Variants in FBXL7 observed in about 807,000 individuals in gnomAD.
FBXL7 encodes F-box and leucine rich repeat protein 7, also known as F-box/LRR-repeat protein 7.
FBXL7 carries 12 observed loss-of-function variants against 38.3 expected under a neutral mutation model. That is an observed-to-expected ratio of 0.31 (90% CI 0.20 to 0.51). The LOEUF (loss-of-function observed/expected upper bound fraction) is 0.51. FBXL7 is among the 20% of genes least tolerant of loss of function. The pLI is 0.98. For missense variants in FBXL7, 567 were observed against 676.4 expected (o/e 0.84, Z 1.79); for synonymous variants, 297 against 300.9 (o/e 0.99, Z 0.13).
At chr5:15,935,833 T>G (rs1742167917) in intron 3 of FBXL7, among the ~76,000 whole-genome samples, 1 of 152,224 alleles carries the variant, frequency 6.6e-6, no homozygotes, top group Admixed American at 6.5e-5. Context: ...AAGTGTCGGC[T>G]CACCACCTAT....
At chr5:15,804,078 A>G (rs1480393756) in intron 2 of FBXL7, among the ~76,000 whole-genome samples, 2 of 152,236 alleles carry the variant, frequency 1.3e-5, no homozygotes, top group African/African-American at 4.8e-5. Flanking sequence ...AAATATTAAA[A>G]TAATTAATCT....
chr5:15,863,434 A>T (rs1017066957), intron 2 of FBXL7, among the ~76,000 whole-genome samples: 4 of 152,228 alleles, frequency 2.6e-5, no homozygotes, highest in Non-Finnish European at 4.4e-5. Flanking sequence ...GGAATTTGAC[A>T]GGTACCAGTC....
intron 2 of FBXL7, among the ~76,000 whole-genome samples, chr5:15,839,807 T>C (rs1738695062): frequency 6.6e-6 from 1 of 152,094 alleles, no homozygotes; most frequent in Admixed American, 6.6e-5. Context: ...CTGTCCTTCT[T>C]TTTCTCCCAA....
At chr5:15,729,644 G>A (rs1359308237) in intron 2 of FBXL7, among the ~76,000 whole-genome samples, 1 of 152,124 alleles carries the variant, frequency 6.6e-6, no homozygotes, top group East Asian at 1.9e-4. Context: ...CATTATAAGT[G>A]TAGAGTGTTG....
chr5:15,551,472 G>A (rs1738067678), intron 1 of FBXL7, among the ~76,000 whole-genome samples: 1 of 152,190 alleles, frequency 6.6e-6, no homozygotes, highest in African/African-American at 2.4e-5. Context: ...ATTATCAAGA[G>A]CAAGAATTTT....
chr5:15,672,046 T>C (rs751019236), intron 2 of FBXL7, among the ~76,000 whole-genome samples: 6 of 152,202 alleles, frequency 3.9e-5, no homozygotes, highest in Non-Finnish European at 7.3e-5. Flanking sequence ...GTAAAAATTC[T>C]CTCAAAATTA....
chr5:15,528,676 C>A (rs1737323695), intron 1 of FBXL7, among the ~76,000 whole-genome samples: 1 of 152,202 alleles, frequency 6.6e-6, no homozygotes, highest in Non-Finnish European at 1.5e-5. Context: ...CTGGGTCCCT[C>A]CCACATCACA....
intron 2 of FBXL7, among the ~76,000 whole-genome samples, chr5:15,668,102 C>A (rs1490660711): frequency 6.6e-6 from 1 of 152,192 alleles, no homozygotes; most frequent in African/African-American, 2.4e-5. Context: ...GCAGATCCAA[C>A]CTGATGAGCC....
intron 2 of FBXL7, among the ~76,000 whole-genome samples, chr5:15,882,016 C>G (rs1381453053): frequency 1.3e-5 from 2 of 152,058 alleles, no homozygotes; most frequent in Non-Finnish European, 2.9e-5. Flanking sequence ...ATGGCTGGAG[C>G]AAGAGGAGGA....
chr5:15,933,436 A>C (rs1742092107), intron 3 of FBXL7, among the ~76,000 whole-genome samples: 1 of 152,226 alleles, frequency 6.6e-6, no homozygotes, highest in African/African-American at 2.4e-5. Context: ...CTTGAAAAAC[A>C]AAGTGTCTTT....
intron 2 of FBXL7, among the ~76,000 whole-genome samples, chr5:15,703,919 CAT>C (rs1743603058): frequency 6.6e-6 from 1 of 152,132 alleles, no homozygotes; most frequent in African/African-American, 2.4e-5. Context: ...ATACTGTCGA[CAT>C]ATGTCATGCA....
In FBXL7 at chr5:15,705,776, G is replaced by A. The variant is rs530585430; in HGVS notation, c.127+89704G>A. Among the ~76,000 whole-genome samples the A allele has an allele frequency of 2.6e-5, 4 of 152,080 alleles. No homozygotes were observed. In the South Asian group the frequency reaches 8.3e-4, roughly 32 times the overall value. Reference sequence around the variant, plus strand: ...GTGGTGGGAAGTCAATAGTAAGATAGGTGTATTTCCTACCCAAACTGAACT... The same window carrying A: ...GTGGTGGGAAGTCAATAGTAAGATAAGTGTATTTCCTACCCAAACTGAACT... On this transcript the variant is annotated intron_variant, in intron 2 of 3. Coordinates refer to ENST00000504595, the MANE Select transcript of FBXL7 (RefSeq NM_012304.5).
In FBXL7 at chr5:15,936,635, G is replaced by A. The variant is rs750820412; in HGVS notation, c.925G>A (p.Val309Ile). The change falls in exon 4 of 4, where the codon GTC becomes ATC. Residue 309 changes from valine (V) to isoleucine (I), a missense_variant. Coordinates refer to ENST00000504595, the MANE Select transcript of FBXL7 (RefSeq NM_012304.5). The surrounding 1 kb of genome is among the most constrained non-coding windows in gnomAD (Gnocchi z 6.0). The stretch of plus-strand genomic sequence containing the variant: ...CACCCACCTCTACCTGCGCCGCTGC[G>A]TCCGCCTGACCGACGAAGGCCTGCG... ...QLTHLYLRRC[V>I]RLTDEGLRYL... 1.2e-6 allele frequency: 2 copies of A among 1,609,096 alleles called. No individual in the cohort carries two copies. Among genetic ancestry groups the A allele is most frequent in the African/African-American group, 1.3e-5 (1 of 75,050 alleles).
At chr5:15,502,086 A>ATTAAGCC (rs1378643656) in intron 1 of FBXL7, among the ~76,000 whole-genome samples, 1 of 152,170 alleles carries the variant, frequency 6.6e-6, no homozygotes, top group Non-Finnish European at 1.5e-5. Flanking sequence ...AAAGTAAGTG[A>ATTAAGCC]TTAAGCCTTC....
rs1183390195 is a variant in FBXL7 at position 15,936,218 on chromosome 5, T to TA, written c.740-232_740-231insA. Among the ~76,000 whole-genome samples, 1 of 152,258 alleles carries TA rather than the reference T, an allele frequency of 6.6e-6. No homozygotes were observed. Among genetic ancestry groups the TA allele is most frequent in the Non-Finnish European group, 1.5e-5 (1 of 68,042 alleles). On this transcript the variant is annotated intron_variant, in intron 3 of 3. Coordinates refer to ENST00000504595, the MANE Select transcript of FBXL7 (RefSeq NM_012304.5). The surrounding 1 kb of genome is among the most constrained non-coding windows in gnomAD (Gnocchi z 6.0). Reference sequence around the variant, plus strand: ...CAGATCAGGAATTGGAACCATGGTTTTTCTGATCCAATCCTCTTAAGCCCA... The same window carrying TA: ...CAGATCAGGAATTGGAACCATGGTTTATTCTGATCCAATCCTCTTAAGCCCA...
intron 2 of FBXL7, among the ~76,000 whole-genome samples, chr5:15,880,929 C>G (rs926976073): frequency 1.3e-4 from 19 of 151,650 alleles, no homozygotes; most frequent in African/African-American, 4.6e-4. Flanking sequence ...GATTCTAGTA[C>G]TGTTTTTTAT....
intron 2 of FBXL7, among the ~76,000 whole-genome samples, chr5:15,712,289 T>C (rs1743899566): frequency 6.6e-6 from 1 of 151,430 alleles, no homozygotes; most frequent in South Asian, 2.1e-4. Context: ...TCTCCAGTAT[T>C]GGAAAAGATT....
intron 2 of FBXL7, among the ~76,000 whole-genome samples, chr5:15,655,068 G>A (rs113520968): frequency 6.6e-6 from 1 of 152,110 alleles, no homozygotes; most frequent in Admixed American, 6.6e-5. Context: ...TTCTGGTATG[G>A]CCATATTAAG....
chr5:15,736,204 T>G (rs954641203), intron 2 of FBXL7, among the ~76,000 whole-genome samples: 5 of 152,180 alleles, frequency 3.3e-5, no homozygotes, highest in Non-Finnish European at 7.3e-5. Flanking sequence ...TAACTCCAAT[T>G]TATTCTATTT....
Sources: gnomAD v4.1 joint callset for allele counts (sites outside exome capture counted in the v4.1 genomes callset) on GRCh38, gnomAD v4.1.1 for gene constraint, Gnocchi (gnomAD v3.1) non-coding constraint, MANE v1.5 for transcripts, NCBI Gene and HGNC (gene_info 2026-07-23, HGNC 2026-07-21) for gene names.